The following TBL1XR1 variants were observed in gnomAD, a reference collection of about 807,000 sequenced individuals.
TBL1XR1 encodes TBL1X/Y related 1.
TBL1XR1 carries 5 observed loss-of-function variants against 66.9 expected under a neutral mutation model. The ratio of observed to expected loss-of-function variants is 0.07; its 90% CI spans 0.04 to 0.16. The LOEUF (loss-of-function observed/expected upper bound fraction) is 0.16, where lower values mean the gene tolerates loss of function less well. Among genes scored for constraint, TBL1XR1 ranks in the 10% least tolerant of loss-of-function variants. The pLI, the probability that TBL1XR1 is intolerant of heterozygous loss-of-function variation, is 1.00. For synonymous variants in TBL1XR1, 210 were observed against 206.0 expected (o/e 1.02, Z -0.17); for missense variants, 238 against 623.2 (o/e 0.38, Z 6.58).
chr3:177,074,399 T>C (rs1720430246), intron 2 of TBL1XR1, among the ~76,000 whole-genome samples: 1 of 152,188 alleles, frequency 6.6e-6, no homozygotes, highest in Admixed American at 6.5e-5. Context: ...TGAGCCATGA[T>C]CAACCTCTTT....
intron 1 of TBL1XR1, among the ~76,000 whole-genome samples, chr3:177,183,210 CT>C (rs1021846127): frequency 2.0e-5 from 3 of 152,160 alleles, no homozygotes; most frequent in Non-Finnish European, 4.4e-5. Context: ...CAATTCTATA[CT>C]CCTTTGAACG....
At chr3:177,140,395 C>T (rs934577304) in intron 1 of TBL1XR1, among the ~76,000 whole-genome samples, 1 of 152,168 alleles carries the variant, frequency 6.6e-6, no homozygotes, top group African/African-American at 2.4e-5. Flanking sequence ...CAGCCAGAGG[C>T]CTTTGCTACA....
At chr3:177,112,099 A>T (rs1448781171) in intron 1 of TBL1XR1, among the ~76,000 whole-genome samples, 26 of 49,194 alleles carry the variant, frequency 5.3e-4, no homozygotes, top group East Asian at 2.4e-3. Flanking sequence ...ATATATATAT[A>T]TATATATATT....
At chr3:177,127,574 C>CA (rs1727794995) in intron 1 of TBL1XR1, among the ~76,000 whole-genome samples, 1 of 152,096 alleles carries the variant, frequency 6.6e-6, no homozygotes, top group African/African-American at 2.4e-5. Flanking sequence ...CAACATCTGG[C>CA]AATTTAGGGA....
chr3:177,020,034 C>G lies in TBL1XR1; in HGVS notation c.*5464G>C, dbSNP rs1712153543. 2 of 149,706 alleles carry G rather than the reference C, an allele frequency of 1.3e-5. No homozygotes were observed. Among genetic ancestry groups the G allele is most frequent in the Non-Finnish European group, 1.5e-5 (1 of 67,646 alleles). 9.3% of individuals were successfully genotyped at this position (149,706 alleles called of 1,614,324 possible). On this transcript the variant is annotated 3_prime_UTR_variant, in exon 16 of 16. Coordinates refer to ENST00000457928, the MANE Select transcript of TBL1XR1 (RefSeq NM_024665.7). ...CTCAATGATTCTTTTTAAAAAGTCT[C>G]TAACTCTAAAGGAGTTGGTATTAAT...
intron 10 of TBL1XR1, among the ~76,000 whole-genome samples, chr3:177,039,385 C>T (rs1715259379): frequency 6.6e-6 from 1 of 152,096 alleles, no homozygotes; most frequent in African/African-American, 2.4e-5. Context: ...AAGTATCATT[C>T]CCATTATCAT....
chr3:177,137,215 T>C (rs191748635), intron 1 of TBL1XR1, among the ~76,000 whole-genome samples: 2 of 152,352 alleles, frequency 1.3e-5, no homozygotes, highest in Admixed American at 1.3e-4. Flanking sequence ...TGGCCCGGCA[T>C]GGCATGGTGG....
Position 177,110,342 on chromosome 3 carries a change from C to T in TBL1XR1, c.-121-11801G>A, listed in dbSNP as rs563254461. 5.9e-5 allele frequency among the ~76,000 whole-genome samples: 9 copies of T among 152,336 alleles called. No homozygotes were observed. In the South Asian group the frequency reaches 1.7e-3, roughly 28 times the overall value. ...AGAATGTCTAATGACTTAAGCCCTT[C>T]TACAGTTTAGGCAACAATTTGTAAA... On this transcript the variant is annotated intron_variant, in intron 1 of 15. Coordinates refer to ENST00000457928, the MANE Select transcript of TBL1XR1 (RefSeq NM_024665.7).
At chr3:177,145,547 C>T (rs767206650) in intron 1 of TBL1XR1, among the ~76,000 whole-genome samples, 1 of 152,264 alleles carries the variant, frequency 6.6e-6, no homozygotes, top group South Asian at 2.1e-4. Flanking sequence ...ATAATTACAT[C>T]ACAAGTACTG....
chr3:177,187,790 C>T (rs1735609390), intron 1 of TBL1XR1, among the ~76,000 whole-genome samples: 1 of 151,656 alleles, frequency 6.6e-6, no homozygotes, highest in South Asian at 2.1e-4. Context: ...ATTGATTCCA[C>T]ATCCGATCTC....
In TBL1XR1 at chr3:177,099,681, G is replaced by A. The variant is rs116117094; in HGVS notation, c.-121-1140C>T. 2.0e-3 allele frequency among the ~76,000 whole-genome samples: 300 copies of A among 152,340 alleles called. 1 individual carries two copies. Among genetic ancestry groups the A allele is most frequent in the African/African-American group, 7.0e-3 (291 of 41,582 alleles). Reference sequence around the variant, plus strand: ...GCCTAGAGGCACTTATGAGCTACTCGGTAGGTCCTTTCTAGCACAGACTGA... The same window carrying A: ...GCCTAGAGGCACTTATGAGCTACTCAGTAGGTCCTTTCTAGCACAGACTGA... On this transcript the variant is annotated intron_variant, in intron 1 of 15. Coordinates refer to ENST00000457928, the MANE Select transcript of TBL1XR1 (RefSeq NM_024665.7).
intron 12 of TBL1XR1, among the ~76,000 whole-genome samples, chr3:177,035,182 G>A (rs1714596274): frequency 6.6e-6 from 1 of 152,090 alleles, no homozygotes; most frequent in Non-Finnish European, 1.5e-5. Flanking sequence ...GATTTCATTA[G>A]ACCTTTCTAA....
intron 1 of TBL1XR1, among the ~76,000 whole-genome samples, chr3:177,106,877 A>G (rs1724954999): frequency 6.6e-6 from 1 of 151,816 alleles, no homozygotes; most frequent in East Asian, 1.9e-4. Context: ...ATCCAGGTAC[A>G]TTATGTCTTT....
chr3:177,131,493 A>G (rs1225835044), intron 1 of TBL1XR1: 2 of 530,190 alleles, frequency 3.8e-6, no homozygotes, highest in African/African-American at 4.2e-5. Context: ...AAAAAAACAC[A>G]TTGTCATTCT....
Position 177,022,563 on chromosome 3 carries a change from G to A in TBL1XR1, c.*2935C>T, listed in dbSNP as rs1338548704. 1 of 152,436 alleles carries A rather than the reference G, an allele frequency of 6.6e-6. No individual in the cohort carries two copies. The highest frequency in any genetic ancestry group is 2.4e-5 in the African/African-American group (1 of 41,422). 9.4% of individuals were successfully genotyped at this position (152,436 alleles called of 1,614,324 possible). ...TATTCCATTTTAATCAATGAGTATTGATTCAAGTTTTCCTTTCTATTTTTC... is the reference window on the plus strand; with the variant it reads ...TATTCCATTTTAATCAATGAGTATTAATTCAAGTTTTCCTTTCTATTTTTC... On this transcript the variant is annotated 3_prime_UTR_variant, in exon 16 of 16. Transcript: ENST00000457928.
chr3:177,112,108 T>TATATATATATATATATATACATATATA (rs1553846589), intron 1 of TBL1XR1, among the ~76,000 whole-genome samples: 1 of 35,726 alleles, frequency 2.8e-5, no homozygotes, highest in African/African-American at 1.5e-4. Context: ...TATATATATA[T>TATATATATATATATATATACATATATA]TTTTTTTTTT....
intron 1 of TBL1XR1, among the ~76,000 whole-genome samples, chr3:177,110,655 A>G (rs1725443232): frequency 6.6e-6 from 1 of 152,238 alleles, no homozygotes; most frequent in South Asian, 2.1e-4. Flanking sequence ...AATAAATGAC[A>G]GTATGTCTGT....
chr3:177,061,927 A>G (rs1718567385), intron 3 of TBL1XR1, among the ~76,000 whole-genome samples: 2 of 152,200 alleles, frequency 1.3e-5, no homozygotes, highest in African/African-American at 2.4e-5. Flanking sequence ...AAGCTTTGGA[A>G]TAAGTGGCAA....
At chr3:177,083,721 T>C (rs1227297757) in intron 2 of TBL1XR1, among the ~76,000 whole-genome samples, 1 of 152,220 alleles carries the variant, frequency 6.6e-6, no homozygotes, top group Non-Finnish European at 1.5e-5. Flanking sequence ...CTTGCAGTCA[T>C]CAGTATACTT....
Sources: gnomAD v4.1 joint callset for allele counts (sites outside exome capture counted in the v4.1 genomes callset) on GRCh38, gnomAD v4.1.1 for gene constraint, MANE v1.5 for transcripts, NCBI Gene and HGNC (gene_info 2026-07-23, HGNC 2026-07-21) for gene names.